The following GIPC2 variants were observed in gnomAD, a reference collection of about 807,000 sequenced individuals.
GIPC2 encodes the protein GIPC PDZ domain containing family member 2.
In GIPC2, 30 loss-of-function variants were observed where a neutral mutation model predicts 30.6. That is an observed-to-expected ratio of 0.98 (90% CI 0.73 to 1.33). GIPC2 has a LOEUF of 1.33. Ranked by LOEUF, GIPC2 falls within the 40% of genes most tolerant of loss-of-function variation. The pLI, the probability that GIPC2 is intolerant of heterozygous loss-of-function variation, is 0.00. For synonymous variants in GIPC2, 167 were observed against 150.0 expected, an observed-to-expected ratio of 1.11 and a Z score of -0.83; for missense variants, 414 against 390.3, an observed-to-expected ratio of 1.06 and a Z score of -0.51.
chr1:78,112,976 G>A (rs1364306289), intron 3 of GIPC2, among the ~76,000 whole-genome samples: 2 of 152,166 alleles, frequency 1.3e-5, no homozygotes, highest in African/African-American at 4.8e-5. Flanking sequence ...AGCAGCATAT[G>A]CATGTAAGAA....
intron 2 of GIPC2, among the ~76,000 whole-genome samples, chr1:78,089,732 G>C (rs1161313847): frequency 3.9e-5 from 6 of 152,188 alleles, no homozygotes; most frequent in African/African-American, 1.4e-4. Context: ...AGAACAAAAA[G>C]TATATAAATA....
chr1:78,135,004 CT>C (rs1662973554), intron 5 of GIPC2, among the ~76,000 whole-genome samples: 1 of 152,202 alleles, frequency 6.6e-6, no homozygotes, highest in South Asian at 2.1e-4. Context: ...AAGGCCGCCA[CT>C]TTCATGTTCT....
intron 3 of GIPC2, among the ~76,000 whole-genome samples, chr1:78,108,813 T>C (rs1557545592): frequency 6.6e-6 from 1 of 152,142 alleles, no homozygotes; most frequent in Non-Finnish European, 1.5e-5. Context: ...TATCTAAGCA[T>C]TGGAAGGTCT....
chr1:78,088,064 C>T (rs1661964955), intron 2 of GIPC2, among the ~76,000 whole-genome samples: 1 of 137,814 alleles, frequency 7.3e-6, no homozygotes, highest in South Asian at 2.5e-4. Flanking sequence ...CCATCTCACA[C>T]CAGTCAGAAT....
intron 1 of GIPC2, among the ~76,000 whole-genome samples, chr1:78,063,306 A>G (rs1378729052): frequency 6.6e-6 from 1 of 151,278 alleles, no homozygotes; most frequent in East Asian, 2.0e-4. Flanking sequence ...AGCCTGGTCA[A>G]CATGGTGAAA....
intron 1 of GIPC2, chr1:78,069,084 G>C (rs1661571470): frequency 1.0e-6 from 1 of 985,266 alleles, no homozygotes. Context: ...TGCTTGGTGA[G>C]AGTAGGGAAC....
Position 78,073,363 on chromosome 1 carries a change from C to T in GIPC2, c.241-7312C>T, listed in dbSNP as rs553244149. ...AAATGATCCACCCATGTCAGACTCC[C>T]AAAGTGCTGGGATTTCAGGTGTGAG... is the stretch of plus-strand genomic sequence containing the variant. On this transcript the variant is annotated intron_variant, in intron 1 of 5. Transcript: ENST00000370759. Among the ~76,000 whole-genome samples the T allele has an allele frequency of 3.8e-4, 58 of 152,198 alleles. 1 individual carries two copies. The highest frequency in any genetic ancestry group is 3.4e-3 in the Middle Eastern group (1 of 294).
At chr1:78,120,130 T>G (rs1398743533) in intron 4 of GIPC2, among the ~76,000 whole-genome samples, 1 of 152,252 alleles carries the variant, frequency 6.6e-6, no homozygotes, top group Non-Finnish European at 1.5e-5. Flanking sequence ...AGAAATTATG[T>G]CACTTTTCTG....
rs745978605 is a variant in GIPC2 at position 78,119,364 on chromosome 1, T to C, written c.608-29T>C. 1.6e-5 allele frequency: 19 copies of C among 1,206,098 alleles called. No homozygotes were observed. In the Admixed American group the frequency reaches 3.0e-4, roughly 19 times the overall value. The allele number at this position is 1,206,098 out of a possible 1,614,324, so 74.7% of individuals were successfully genotyped here. On this transcript the variant is annotated intron_variant, in intron 3 of 5. Coordinates refer to ENST00000370759, the MANE Select transcript of GIPC2 (RefSeq NM_017655.6). ...TCTGTTGGGATGCTTTCTGTGTATA[T>C]GTATGTTTCCCTGTTCATTGTATTG...
At chr1:78,114,637 T>C (rs1037223296) in intron 3 of GIPC2, among the ~76,000 whole-genome samples, 2 of 144,100 alleles carry the variant, frequency 1.4e-5, no homozygotes, top group African/African-American at 5.1e-5. Flanking sequence ...TACATAATGA[T>C]AAAAAAAAAA....
chr1:78,059,208 G>A (rs1333378571), intron 1 of GIPC2, among the ~76,000 whole-genome samples: 1 of 152,196 alleles, frequency 6.6e-6, no homozygotes. Context: ...ATATACTTAG[G>A]TGGCTGGCCT....
At chr1:78,061,469 T>C (rs374839490) in intron 1 of GIPC2, among the ~76,000 whole-genome samples, 1 of 152,018 alleles carries the variant, frequency 6.6e-6, no homozygotes, top group South Asian at 2.1e-4. Flanking sequence ...TAGAGCTTTG[T>C]CAGTGGTAGA....
chr1:78,070,524 G>GAT (rs34419860), intron 1 of GIPC2, among the ~76,000 whole-genome samples: 2,818 of 149,238 alleles, frequency 0.019, 39 homozygotes, highest in Non-Finnish European at 0.024. Context: ...GGGAGAGGAT[G>GAT]ATATATATAT....
chr1:78,081,955 C>T (rs1215020228), intron 2 of GIPC2, among the ~76,000 whole-genome samples: 1 of 152,138 alleles, frequency 6.6e-6, no homozygotes, highest in East Asian at 1.9e-4. Flanking sequence ...AATTGCATTT[C>T]TGCCACTCAG....
chr1:78,082,076 T>G (rs1460903259), intron 2 of GIPC2, among the ~76,000 whole-genome samples: 1 of 152,128 alleles, frequency 6.6e-6, no homozygotes, highest in East Asian at 1.9e-4. Flanking sequence ...TACTCCACTA[T>G]TTTCGGCTTC....
chr1:78,096,481 A>G (rs545179746), intron 3 of GIPC2, among the ~76,000 whole-genome samples: 1 of 151,556 alleles, frequency 6.6e-6, no homozygotes, highest in Admixed American at 6.6e-5. Context: ...TTTCCAGAGT[A>G]AATTTTTCTG....
chr1:78,080,389 TA>T (rs1054516127), intron 1 of GIPC2, among the ~76,000 whole-genome samples: 12 of 152,300 alleles, frequency 7.9e-5, no homozygotes, highest in Admixed American at 4.6e-4. Context: ...AATATGGTGA[TA>T]CCAATGTCCT....
chr1:78,119,909 G>A (rs916638539), intron 4 of GIPC2, among the ~76,000 whole-genome samples: 1 of 152,098 alleles, frequency 6.6e-6, no homozygotes, highest in Non-Finnish European at 1.5e-5. Flanking sequence ...GTCCCATGTC[G>A]CTTCCATCAG....
intron 1 of GIPC2, among the ~76,000 whole-genome samples, chr1:78,055,918 A>G (rs780785168): frequency 6.6e-6 from 1 of 152,076 alleles, no homozygotes; most frequent in Non-Finnish European, 1.5e-5. Flanking sequence ...TAGAAAACGA[A>G]AGTATTTTCC....
Sources: allele counts gnomAD v4.1 joint callset (sites outside exome capture counted in the v4.1 genomes callset), GRCh38; gene constraint gnomAD v4.1.1; transcripts MANE v1.5; gene names NCBI Gene and HGNC (gene_info 2026-07-23, HGNC 2026-07-21).